The following XIRP2 variants were observed in gnomAD, a reference collection of about 807,000 sequenced individuals.
XIRP2 encodes xin actin binding repeat containing 2.
A neutral mutation model predicts 277.0 loss-of-function variants in XIRP2; 236 were observed. The observed-to-expected ratio is 0.85, with a 90% confidence interval of 0.77 to 0.95. The LOEUF is 0.95. XIRP2 is among the 40% of genes least tolerant of loss of function. The pLI, the probability that XIRP2 is intolerant of heterozygous loss-of-function variation, is 0.00. For synonymous variants in XIRP2, 1,490 were observed against 1,416.5 expected, an observed-to-expected ratio of 1.05 and a Z score of -1.17; for missense variants, 4,640 against 4,157.5, an observed-to-expected ratio of 1.12 and a Z score of -3.19.
intron 3 of XIRP2, among the ~76,000 whole-genome samples, chr2:167,190,297 A>G (rs908314687): frequency 7.2e-5 from 11 of 152,060 alleles, no homozygotes; most frequent in African/African-American, 1.9e-4. Context: ...TCAGAGGCCA[A>G]ACATGGGGTT....
chr2:167,213,731 C>T (rs541382203), intron 4 of XIRP2, among the ~76,000 whole-genome samples: 103 of 152,248 alleles, frequency 6.8e-4, no homozygotes, highest in African/African-American at 2.3e-3. Flanking sequence ...GCATTACTCC[C>T]GGTTATGACC....
chr2:167,243,541 C>A lies in XIRP2; in HGVS notation c.2149C>A (p.Gln717Lys). The A allele has an allele frequency of 1.2e-6, 2 of 1,613,956 alleles. No homozygotes were observed. Among genetic ancestry groups the A allele is most frequent in the African/African-American group, 1.3e-5 (1 of 75,014 alleles). The change falls in exon 9 of 11, where the codon CAG becomes AAG. Residue 717 changes from glutamine (Q) to lysine (K), a missense_variant. Physicochemically the swap from Gln to Lys is moderately conservative, Grantham distance 53. Coordinates refer to ENST00000409195, the MANE Select transcript of XIRP2 (RefSeq NM_152381.6). ...TTCAGTGGATGAGGTTCATTTACTG[C>A]AGCTTAGGTCTGAGCTCAAAGAAAT... Reference protein sequence around the residue: ...LHSVDEVHLLQLRSELKEIKG... With the variant: ...LHSVDEVHLLKLRSELKEIKG...
chr2:166,957,421 T>C (rs1220998476), intron 2 of XIRP2, among the ~76,000 whole-genome samples: 1 of 151,832 alleles, frequency 6.6e-6, no homozygotes, highest in East Asian at 1.9e-4. Context: ...GATAGTTTCA[T>C]TTTGTACTAT....
chr2:167,244,609 G>A lies in XIRP2; in HGVS notation c.3217G>A (p.Val1073Met). Reference protein sequence around the residue: ...PLDSIKYFSDVEETESKTEQT... With the variant: ...PLDSIKYFSDMEETESKTEQT... ...TGATTCAATTAAATATTTTAGTGAT[G>A]TGGAAGAAACAGAAAGTAAAACTGA... Residue 1073 changes from valine to methionine, a missense_variant, in exon 9 of 11, where the codon GTG (valine) becomes ATG (methionine). Physicochemically the swap from Val to Met is conservative, Grantham distance 21. Coordinates refer to ENST00000409195, the MANE Select transcript of XIRP2 (RefSeq NM_152381.6). 5 of 1,612,834 alleles carry A rather than the reference G, an allele frequency of 3.1e-6. No individual in the cohort carries two copies. Among genetic ancestry groups the A allele is most frequent in the African/African-American group, 1.3e-5 (1 of 74,962 alleles).
At chr2:166,962,113 C>T (rs530660527) in intron 2 of XIRP2, among the ~76,000 whole-genome samples, 1 of 151,730 alleles carries the variant, frequency 6.6e-6, no homozygotes, top group South Asian at 2.1e-4. Context: ...TCATGGGCAA[C>T]ATAATACTAT....
At chr2:167,007,684 C>T (rs1262540947) in intron 2 of XIRP2, among the ~76,000 whole-genome samples, 1 of 105,204 alleles carries the variant, frequency 9.5e-6, no homozygotes, top group Non-Finnish European at 1.8e-5. Flanking sequence ...TGTACACTCT[C>T]TCTCTCTCTC....
chr2:167,211,153 G>A (rs960066495), intron 4 of XIRP2, among the ~76,000 whole-genome samples: 12 of 151,926 alleles, frequency 7.9e-5, no homozygotes, highest in Non-Finnish European at 1.6e-4. Flanking sequence ...CATCCAGGCT[G>A]GAGTGCAATG....
In XIRP2 at chr2:167,239,911, A is replaced by G. The variant is rs1695003613; in HGVS notation, c.915A>G (p.Arg305=). 6.2e-7 allele frequency: 1 copy of G among 1,608,732 alleles called. No homozygotes were observed. The highest frequency in any genetic ancestry group is 1.3e-5 in the African/African-American group (1 of 74,454). ...GTSRSSQEMA[R]NEQEGSKVQK... is the part of the protein sequence containing the mutation. ...CAAGAAGCAGCCAGGAAATGGCAAGAAATGAACAAGAAGGGTCCAAAGTAC... is the reference window on the plus strand; with the variant it reads ...CAAGAAGCAGCCAGGAAATGGCAAGGAATGAACAAGAAGGGTCCAAAGTAC... The change falls in exon 6 of 11, where the codon AGA becomes AGG. Residue 305 remains arginine (R), a synonymous_variant. Transcript: ENST00000409195.
At chr2:167,109,629 A>G (rs1048593928) in intron 2 of XIRP2, among the ~76,000 whole-genome samples, 1 of 152,132 alleles carries the variant, frequency 6.6e-6, no homozygotes, top group Admixed American at 6.6e-5. Context: ...ATTTATGTTG[A>G]TTCCATGTCT....
At chr2:167,031,796 A>C (rs543505783) in intron 2 of XIRP2, among the ~76,000 whole-genome samples, 1 of 152,288 alleles carries the variant, frequency 6.6e-6, no homozygotes, top group South Asian at 2.1e-4. Context: ...GCTCAATGAA[A>C]TAAGAGAGGA....
At chr2:167,161,911 A>G (rs1444852893) in intron 3 of XIRP2, among the ~76,000 whole-genome samples, 1 of 152,160 alleles carries the variant, frequency 6.6e-6, no homozygotes, top group Non-Finnish European at 1.5e-5. Flanking sequence ...ACAGCACCCA[A>G]GTCACCTCTT....
At chr2:167,235,975 C>T (rs1391326208) in intron 5 of XIRP2, among the ~76,000 whole-genome samples, 1 of 151,944 alleles carries the variant, frequency 6.6e-6, no homozygotes, top group African/African-American at 2.4e-5. Context: ...CTTGAATCCA[C>T]TGACATTTTT....
intron 4 of XIRP2, among the ~76,000 whole-genome samples, chr2:167,214,147 A>G (rs1051076110): frequency 6.9e-5 from 8 of 115,732 alleles, no homozygotes; most frequent in Non-Finnish European, 1.2e-4. Context: ...GCAAAGAGAA[A>G]GAGAAAGAAG....
intron 5 of XIRP2, among the ~76,000 whole-genome samples, chr2:167,226,886 C>T (rs1452541999): frequency 1.3e-5 from 2 of 152,156 alleles, no homozygotes; most frequent in African/African-American, 4.8e-5. Flanking sequence ...CCTCCTTGTT[C>T]AGCTGGGGCA....
chr2:167,042,682 A>G (rs1254789362), intron 2 of XIRP2, among the ~76,000 whole-genome samples: 1 of 152,210 alleles, frequency 6.6e-6, no homozygotes, highest in Non-Finnish European at 1.5e-5. Flanking sequence ...ATGTGCACCC[A>G]ACACCGGAGC....
chr2:167,104,558 G>A (rs959417485), intron 2 of XIRP2, among the ~76,000 whole-genome samples: 2 of 152,028 alleles, frequency 1.3e-5, no homozygotes, highest in African/African-American at 2.4e-5. Flanking sequence ...GAACTTAGTG[G>A]CATTTCTTTG....
At chr2:167,215,986 C>A (rs1272132282) in intron 4 of XIRP2, among the ~76,000 whole-genome samples, 1 of 151,458 alleles carries the variant, frequency 6.6e-6, no homozygotes, top group African/African-American at 2.4e-5. Flanking sequence ...CGCATACCTA[C>A]AACTATCTGA....
In XIRP2 at chr2:167,258,591, G is replaced by T. The variant is rs1163300826; in HGVS notation, c.*774G>T. 5 of 1,612,912 alleles carry T rather than the reference G, an allele frequency of 3.1e-6. No individual in the cohort carries two copies. The highest frequency in any genetic ancestry group is 4.2e-6 in the Non-Finnish European group (5 of 1,179,580). On this transcript the variant is annotated 3_prime_UTR_variant, in exon 11 of 11. Transcript: ENST00000409195. Reference sequence around the variant, plus strand: ...AATGAAAAAACTAACCAAACTAATGGTGCAGAAGTTTTACAGGTTACTAAC... The same window carrying T: ...AATGAAAAAACTAACCAAACTAATGTTGCAGAAGTTTTACAGGTTACTAAC...
At chr2:166,983,539 TTTC>T (rs1686927868) in intron 2 of XIRP2, among the ~76,000 whole-genome samples, 1 of 152,224 alleles carries the variant, frequency 6.6e-6, no homozygotes, top group Non-Finnish European at 1.5e-5. Context: ...TTAATTCTGT[TTTC>T]TTCTTCTGAA....
Sources: allele counts gnomAD v4.1 joint callset (sites outside exome capture counted in the v4.1 genomes callset), GRCh38; gene constraint gnomAD v4.1.1; transcripts MANE v1.5; gene names NCBI Gene and HGNC (gene_info 2026-07-23, HGNC 2026-07-21).